TUSC3: variants seen among roughly 807,000 people sequenced by gnomAD.
TUSC3 encodes the protein dolichyl-diphosphooligosaccharide--protein glycosyltransferase subunit TUSC3.
In TUSC3, 45 loss-of-function variants were observed where a neutral mutation model predicts 44.8. That is an observed-to-expected ratio of 1.00 (90% CI 0.79 to 1.29). TUSC3 has a LOEUF of 1.29. Among genes scored for constraint, TUSC3 ranks in the 50% most tolerant of loss-of-function variants. The pLI, the probability that TUSC3 is intolerant of heterozygous loss-of-function variation, is 0.00. For missense variants in TUSC3, 519 were observed against 437.9 expected, an observed-to-expected ratio of 1.19 and a Z score of -1.65; for synonymous variants, 212 against 152.9, an observed-to-expected ratio of 1.39 and a Z score of -2.85.
intron 2 of TUSC3, among the ~76,000 whole-genome samples, chr8:15,487,424 C>T (rs893782245): frequency 6.6e-5 from 10 of 152,256 alleles, no homozygotes; most frequent in African/African-American, 1.9e-4. Context: ...CATCCAATTC[C>T]GTAGCCACAG....
chr8:15,807,828 T>A, the TUSC3 span, among the ~76,000 whole-genome samples: 1 of 152,078 alleles, frequency 6.6e-6, no homozygotes, highest in African/African-American at 2.4e-5. Context: ...CTCATGAACA[T>A]AAATATGGCA....
At chr8:15,448,385 C>A (rs1236395668) in intron 1 of TUSC3, among the ~76,000 whole-genome samples, 1 of 151,978 alleles carries the variant, frequency 6.6e-6, no homozygotes, top group African/African-American at 2.4e-5. Flanking sequence ...TCCCAAAGTG[C>A]TGGGATTACA....
At chr8:15,454,030 A>G (rs566071727) in intron 1 of TUSC3, among the ~76,000 whole-genome samples, 29 of 152,164 alleles carry the variant, frequency 1.9e-4, no homozygotes, top group Non-Finnish European at 3.2e-4. Flanking sequence ...TAAGGGAGGA[A>G]TGCCTCAAAT....
intron 9 of TUSC3, among the ~76,000 whole-genome samples, chr8:15,752,754 A>T (rs1585304788): frequency 1.3e-5 from 2 of 152,276 alleles, no homozygotes; most frequent in East Asian, 3.9e-4. Context: ...TTATCCCAGA[A>T]TCAAAGTTGA....
At chr8:15,718,885 A>T (rs949894891) in intron 6 of TUSC3, among the ~76,000 whole-genome samples, 4 of 152,044 alleles carry the variant, frequency 2.6e-5, no homozygotes, top group Non-Finnish European at 4.4e-5. Context: ...TTGTATAAAA[A>T]CACACAGTAA....
intron 6 of TUSC3, among the ~76,000 whole-genome samples, chr8:15,700,119 T>C (rs1438207147): frequency 6.6e-6 from 1 of 152,188 alleles, no homozygotes; most frequent in Non-Finnish European, 1.5e-5. Flanking sequence ...CAGCTTAGGG[T>C]ATGAAATTCT....
chr8:15,489,639 A>C (rs995450389), intron 2 of TUSC3, among the ~76,000 whole-genome samples: 1 of 152,186 alleles, frequency 6.6e-6, no homozygotes, highest in Non-Finnish European at 1.5e-5. Context: ...TACTACAGTT[A>C]CATTGGAATT....
chr8:15,462,186 C>G (rs891014359), intron 1 of TUSC3, among the ~76,000 whole-genome samples: 3 of 152,042 alleles, frequency 2.0e-5, no homozygotes, highest in African/African-American at 7.2e-5. Flanking sequence ...ATATACCAAG[C>G]CTACTTCTGA....
At chr8:15,829,085 C>T in the TUSC3 span, among the ~76,000 whole-genome samples, 143,464 of 152,258 alleles carry the variant, frequency 0.94, 67,679 homozygotes, top group Non-Finnish European at 0.97. Flanking sequence ...TACTTACCCA[C>T]TTCTCTTTTT....
chr8:15,562,493 C>T (rs1254208081), intron 1 of TUSC3, among the ~76,000 whole-genome samples: 8 of 152,226 alleles, frequency 5.3e-5, no homozygotes, highest in Non-Finnish European at 1.0e-4. Context: ...CTTAAAATAA[C>T]ACCCATTTCT....
the TUSC3 span, among the ~76,000 whole-genome samples, chr8:15,799,973 G>C: frequency 6.6e-6 from 1 of 152,190 alleles, no homozygotes. Context: ...TGCACATTCA[G>C]TAGGTTGCAC....
At chr8:15,513,040 T>A (rs1040614820) in intron 2 of TUSC3, among the ~76,000 whole-genome samples, 18 of 149,552 alleles carry the variant, frequency 1.2e-4, no homozygotes, top group African/African-American at 4.2e-4. Flanking sequence ...TTTAACCCCA[T>A]ATATTCAAGA....
At chr8:15,619,594 C>G (rs1300441359) in intron 1 of TUSC3, among the ~76,000 whole-genome samples, 1 of 152,040 alleles carries the variant, frequency 6.6e-6, no homozygotes, top group African/African-American at 2.4e-5. Flanking sequence ...TGGGTTCACG[C>G]CATTCTCCTG....
intron 6 of TUSC3, among the ~76,000 whole-genome samples, chr8:15,722,967 G>C (rs1810359261): frequency 6.6e-6 from 1 of 152,024 alleles, no homozygotes; most frequent in Admixed American, 6.6e-5. Flanking sequence ...TTTAGTCATA[G>C]CTTATAGCTC....
chr8:15,840,401 C>CTA, the TUSC3 span, among the ~76,000 whole-genome samples: 2 of 151,602 alleles, frequency 1.3e-5, no homozygotes, highest in Non-Finnish European at 2.9e-5. Context: ...CAATAAATAA[C>CTA]CACACACACA....
At chr8:15,478,582 C>T (rs1800614857) in intron 1 of TUSC3, among the ~76,000 whole-genome samples, 1 of 152,168 alleles carries the variant, frequency 6.6e-6, no homozygotes, top group African/African-American at 2.4e-5. Context: ...CCAGCACCAT[C>T]CATGTCCCTG....
At chr8:15,638,231 T>G (rs1046369981) in intron 2 of TUSC3, among the ~76,000 whole-genome samples, 1 of 147,322 alleles carries the variant, frequency 6.8e-6, no homozygotes, top group Admixed American at 6.7e-5. Flanking sequence ...AGTCTCCACC[T>G]TCCTGTTCTT....
intron 2 of TUSC3, among the ~76,000 whole-genome samples, chr8:15,495,126 T>A (rs1037610781): frequency 1.3e-5 from 2 of 151,356 alleles, no homozygotes; most frequent in Non-Finnish European, 3.0e-5. Flanking sequence ...GGTGTATATG[T>A]ACCATATTTT....
chr8:15,633,312 G>T lies in TUSC3; in HGVS notation c.308+10063G>T, dbSNP rs74551507. ...TCTCTCATCCATAGCAACTCAGTGA[G>T]TTGAAGCTGATGTGAATGCCTCAGT... On this transcript the variant is annotated intron_variant, in intron 2 of 10. Coordinates refer to ENST00000503731, the MANE Select transcript of TUSC3 (RefSeq NM_006765.4). Among the ~76,000 whole-genome samples the T allele has an allele frequency of 4.9e-3, 750 of 152,274 alleles. 18 individuals carry two copies. The East Asian group carries it at 0.071, about 14-fold the overall frequency.
Sources: gnomAD v4.1 joint callset for allele counts (sites outside exome capture counted in the v4.1 genomes callset) on GRCh38, gnomAD v4.1.1 for gene constraint, MANE v1.5 for transcripts, NCBI Gene and HGNC (gene_info 2026-07-23, HGNC 2026-07-21) for gene names.